The following RNGTT variants were observed in gnomAD, a reference collection of about 807,000 sequenced individuals.
RNGTT encodes the protein mRNA-capping enzyme.
A neutral mutation model predicts 79.3 loss-of-function variants in RNGTT; 33 were observed. The ratio of observed to expected loss-of-function variants is 0.42; its 90% confidence interval spans 0.32 to 0.56. RNGTT has a LOEUF of 0.56. Among genes scored for constraint, RNGTT ranks in the 20% least tolerant of loss-of-function variants. RNGTT has a pLI of 0.17. For missense variants in RNGTT, 497 were observed against 739.1 expected (o/e 0.67, Z 3.80); for synonymous variants, 222 against 235.9 (o/e 0.94, Z 0.54).
chr6:88,865,083 TTA>T (rs1782125402), intron 8 of RNGTT, among the ~76,000 whole-genome samples: 1 of 152,134 alleles, frequency 6.6e-6, no homozygotes, highest in Admixed American at 6.5e-5. Context: ...AATGTAAATT[TTA>T]TGTTATGTGT....
At chr6:88,852,173 A>T (rs779085970) in intron 9 of RNGTT, among the ~76,000 whole-genome samples, 5 of 151,988 alleles carry the variant, frequency 3.3e-5, no homozygotes, top group Admixed American at 6.6e-5. Context: ...CTCTTCCATC[A>T]TTACCATTCA....
intron 9 of RNGTT, among the ~76,000 whole-genome samples, chr6:88,852,767 G>A (rs1282196425): frequency 1.3e-5 from 2 of 152,110 alleles, no homozygotes; most frequent in African/African-American, 4.8e-5. Flanking sequence ...AGGCCCCTGG[G>A]AGATTCCAAT....
chr6:88,736,996 A>G (rs993059529), intron 13 of RNGTT, among the ~76,000 whole-genome samples: 4 of 152,172 alleles, frequency 2.6e-5, no homozygotes, highest in Non-Finnish European at 2.9e-5. Flanking sequence ...TGGAGGCAGG[A>G]GTCTATGGAG....
rs1783603282 is a variant in RNGTT at position 88,904,952 on chromosome 6, G to A, written c.447C>T (p.Ile149=). The change falls in exon 6 of 16, where the codon ATC becomes ATT. Residue 149 remains isoleucine (I), a synonymous_variant. Coordinates refer to ENST00000369485, the MANE Select transcript of RNGTT (RefSeq NM_003800.5). Reference sequence around the variant, plus strand: ...GGGCAAAAGTAGCAACTGCTGCTTCGATACTATAGGAAACAAACACCATGC... The same window carrying A: ...GGGCAAAAGTAGCAACTGCTGCTTCAATACTATAGGAAACAAACACCATGC... ...AFLVEKMDWS[I]EAAVATFAQA... The A allele has an allele frequency of 3.1e-6, 5 of 1,613,494 alleles. No individual in the cohort carries two copies. Among genetic ancestry groups the A allele is most frequent in the Non-Finnish European group, 4.2e-6 (5 of 1,179,814 alleles).
rs1772027937 is a variant in RNGTT at position 88,611,638 on chromosome 6, A to G, written c.*1081T>C. On this transcript the variant is annotated 3_prime_UTR_variant, in exon 16 of 16. Coordinates refer to ENST00000369485, the MANE Select transcript of RNGTT (RefSeq NM_003800.5). Reference sequence around the variant, plus strand: ...GATAGAATTCTCGCTTTGAAAATAAATGTCTTGATTTCCTTGATATTTAGT... The same window carrying G: ...GATAGAATTCTCGCTTTGAAAATAAGTGTCTTGATTTCCTTGATATTTAGT... 6.6e-6 allele frequency: 1 copy of G among 152,598 alleles called. No individual in the cohort carries two copies. Among genetic ancestry groups the G allele is most frequent in the African/African-American group, 2.4e-5 (1 of 41,594 alleles). The allele number at this position is 152,598 out of a possible 1,614,324, so 9.5% of individuals were successfully genotyped here. A position where few individuals can be genotyped will look rare whatever the true frequency, so the allele number is the denominator to read the frequency against.
chr6:88,882,638 G>A (rs960883378), intron 8 of RNGTT, among the ~76,000 whole-genome samples: 2 of 152,212 alleles, frequency 1.3e-5, no homozygotes, highest in African/African-American at 2.4e-5. Flanking sequence ...AATCTCCAGT[G>A]CAACAGTACT....
chr6:88,870,965 A>G (rs966266180), intron 8 of RNGTT, among the ~76,000 whole-genome samples: 1 of 152,182 alleles, frequency 6.6e-6, no homozygotes, highest in Non-Finnish European at 1.5e-5. Flanking sequence ...CAAAAGTGAC[A>G]ATTGTTCAGA....
chr6:88,680,771 T>C (rs1775065646), intron 13 of RNGTT, among the ~76,000 whole-genome samples: 1 of 148,854 alleles, frequency 6.7e-6, no homozygotes. Context: ...CTACAAAGTA[T>C]TAAAGGGTCA....
chr6:88,898,594 A>G (rs1783331749), intron 6 of RNGTT, among the ~76,000 whole-genome samples: 2 of 151,026 alleles, frequency 1.3e-5, no homozygotes, highest in South Asian at 4.2e-4. Context: ...TTCCTTTCTT[A>G]GTATATCTAG....
intron 14 of RNGTT, among the ~76,000 whole-genome samples, chr6:88,621,279 G>C (rs1772434973): frequency 6.6e-6 from 1 of 152,100 alleles, no homozygotes; most frequent in African/African-American, 2.4e-5. Flanking sequence ...GAATTTCTAT[G>C]AAGTTAATTT....
intron 14 of RNGTT, among the ~76,000 whole-genome samples, chr6:88,653,091 T>C (rs926703376): frequency 2.6e-5 from 4 of 152,210 alleles, no homozygotes; most frequent in Non-Finnish European, 5.9e-5. Flanking sequence ...TTAGTGTCTC[T>C]GAAATTCAAG....
At chr6:88,647,715 A>AAAAAAAAAAAAAAAAAG (rs531898293) in intron 14 of RNGTT, among the ~76,000 whole-genome samples, 1 of 142,446 alleles carries the variant, frequency 7.0e-6, no homozygotes, top group African/African-American at 3.0e-5. Flanking sequence ...AAAAAAAAAA[A>AAAAAAAAAAAAAAAAAG]AAGAAGAAGA....
At chr6:88,635,577 A>T (rs929229053) in intron 14 of RNGTT, among the ~76,000 whole-genome samples, 9 of 152,038 alleles carry the variant, frequency 5.9e-5, no homozygotes, top group African/African-American at 2.2e-4. Flanking sequence ...TGCCCAACAC[A>T]TACTTAATTT....
chr6:88,934,208 T>C (rs891833236), intron 2 of RNGTT, among the ~76,000 whole-genome samples: 6 of 152,132 alleles, frequency 3.9e-5, no homozygotes, highest in Non-Finnish European at 8.8e-5. Context: ...ATTTTTTGAA[T>C]TTTTTTAAAG....
intron 4 of RNGTT, among the ~76,000 whole-genome samples, chr6:88,924,055 C>T (rs1784243262): frequency 6.6e-6 from 1 of 152,134 alleles, no homozygotes; most frequent in Non-Finnish European, 1.5e-5. Flanking sequence ...CAAGGGCCAC[C>T]TCAATGCTGG....
chr6:88,689,531 T>C (rs1294133344), intron 13 of RNGTT, among the ~76,000 whole-genome samples: 2 of 150,586 alleles, frequency 1.3e-5, no homozygotes, highest in African/African-American at 4.9e-5. Context: ...GAGGCGGAGG[T>C]TGCAGTGAGC....
At chr6:88,869,903 T>C (rs562114572) in intron 8 of RNGTT, among the ~76,000 whole-genome samples, 1 of 152,180 alleles carries the variant, frequency 6.6e-6, no homozygotes, top group Non-Finnish European at 1.5e-5. Flanking sequence ...GCCAGTAGTT[T>C]ACATTCTATC....
At chr6:88,843,463 A>T (rs1161147991) in intron 11 of RNGTT, among the ~76,000 whole-genome samples, 1 of 151,692 alleles carries the variant, frequency 6.6e-6, no homozygotes, top group East Asian at 1.9e-4. Context: ...ATACACTGAC[A>T]TGGAAATATC....
At chr6:88,896,680 T>C (rs746306425) in intron 6 of RNGTT, among the ~76,000 whole-genome samples, 1 of 152,184 alleles carries the variant, frequency 6.6e-6, no homozygotes, top group Admixed American at 6.5e-5. Flanking sequence ...TACTCATGAA[T>C]AAGTACCCTT....
Sources: allele counts gnomAD v4.1 joint callset (sites outside exome capture counted in the v4.1 genomes callset), GRCh38; gene constraint gnomAD v4.1.1; transcripts MANE v1.5; gene names NCBI Gene and HGNC (gene_info 2026-07-23, HGNC 2026-07-21).